SRGAP3: variants seen among roughly 807,000 people sequenced by gnomAD.
The protein encoded by SRGAP3 is SLIT-ROBO Rho GTPase activating protein 3.
SRGAP3 carries 39 observed loss-of-function variants against 121.1 expected under a neutral mutation model. The observed-to-expected ratio is 0.32, with a 90% CI of 0.25 to 0.42. The LOEUF is 0.42. Among genes scored for constraint, SRGAP3 ranks in the 10% least tolerant of loss-of-function variants. The pLI is 1.00. For missense variants in SRGAP3, 1,213 were observed against 1,470.6 expected (o/e 0.82, Z 2.86); for synonymous variants, 601 against 570.0 (o/e 1.05, Z -0.77).
At chr3:9,338,498 T>C (rs1485761774) in intron 1 of SRGAP3, among the ~76,000 whole-genome samples, 1 of 152,208 alleles carries the variant, frequency 6.6e-6, no homozygotes, top group Non-Finnish European at 1.5e-5. Context: ...ATCACCAGCA[T>C]TGGGATGGAA....
intron 1 of SRGAP3, among the ~76,000 whole-genome samples, chr3:9,232,679 T>C (rs1002449379): frequency 6.6e-6 from 1 of 152,200 alleles, no homozygotes; most frequent in African/African-American, 2.4e-5. Context: ...GGGCCAATTA[T>C]GTTAAGTTCA....
chr3:9,294,789 G>A (rs1216595887), intron 3 of SRGAP3, among the ~76,000 whole-genome samples: 1 of 149,284 alleles, frequency 6.7e-6, no homozygotes, highest in Non-Finnish European at 1.5e-5. Context: ...CCCCCCACCT[G>A]TGACACAGAC....
intron 10 of SRGAP3, 128 bp downstream of exon 10, chr3:9,047,263 G>T (rs549406467): frequency 3.2e-6 from 3 of 930,536 alleles, no homozygotes; most frequent in South Asian, 2.8e-5. Flanking sequence ...CCCAGTCCTG[G>T]TAAGTCCAGG....
chr3:8,989,733 T>C (rs1216736887), intron 21 of SRGAP3, among the ~76,000 whole-genome samples: 1 of 152,234 alleles, frequency 6.6e-6, no homozygotes, highest in Non-Finnish European at 1.5e-5. Flanking sequence ...CACAGTTCTA[T>C]TCATTTGGCA....
At chr3:9,252,926 C>G (rs1265809423), upstream of SRGAP3, among the ~76,000 whole-genome samples, 1 of 152,194 alleles carries the variant, frequency 6.6e-6, no homozygotes, top group Non-Finnish European at 1.5e-5. Context: ...CAGAAAAGCC[C>G]CTGGAAGTGT....
At chr3:9,278,011 C>A (rs1340724096) in intron 3 of SRGAP3, among the ~76,000 whole-genome samples, 1 of 152,122 alleles carries the variant, frequency 6.6e-6, no homozygotes, top group Non-Finnish European at 1.5e-5. Flanking sequence ...CATCTATGAA[C>A]CGGAAAGCAG....
chr3:9,038,033 T>C (rs371134097), intron 11 of SRGAP3, 30 bp downstream of exon 11: 2 of 1,614,002 alleles, frequency 1.2e-6, no homozygotes, highest in Non-Finnish European at 1.7e-6. Flanking sequence ...GGGCAGCAGA[T>C]GAAAGAAAAC....
chr3:9,202,421 G>C (rs141968521), intron 1 of SRGAP3, among the ~76,000 whole-genome samples: 1 of 152,160 alleles, frequency 6.6e-6, no homozygotes, highest in Non-Finnish European at 1.5e-5. Flanking sequence ...CTAAGCCTTC[G>C]TCACCCTCTA....
upstream of SRGAP3, among the ~76,000 whole-genome samples, chr3:9,253,345 C>T (rs780042342): frequency 4.6e-5 from 7 of 152,030 alleles, no homozygotes; most frequent in South Asian, 2.1e-4. Flanking sequence ...CGGAGTTCAA[C>T]GTAAAGTTTT....
intron 3 of SRGAP3, among the ~76,000 whole-genome samples, chr3:9,300,177 T>C (rs113481339): frequency 9.1e-5 from 7 of 77,244 alleles, no homozygotes; most frequent in East Asian, 4.2e-4. Context: ...ATCTTCATCA[T>C]CACCACCATC....
chr3:9,009,629 G>C (rs1943258625), intron 18 of SRGAP3, among the ~76,000 whole-genome samples: 1 of 152,102 alleles, frequency 6.6e-6, no homozygotes, highest in African/African-American at 2.4e-5. Flanking sequence ...ATATGGTTCA[G>C]ATTGCTTGTC....
chr3:9,114,574 G>A (rs1034051406), intron 2 of SRGAP3, among the ~76,000 whole-genome samples: 2 of 152,184 alleles, frequency 1.3e-5, no homozygotes, highest in Admixed American at 1.3e-4. Flanking sequence ...TCACACTGCA[G>A]CATGAGGGTA....
At chr3:9,139,220 T>C (rs1225694107) in intron 1 of SRGAP3, among the ~76,000 whole-genome samples, 1 of 152,170 alleles carries the variant, frequency 6.6e-6, no homozygotes, top group Non-Finnish European at 1.5e-5. Flanking sequence ...AAATGAAATG[T>C]TGTATGTGTT....
At chr3:9,071,353 C>G (rs939207642) in intron 4 of SRGAP3, among the ~76,000 whole-genome samples, 2 of 152,136 alleles carry the variant, frequency 1.3e-5, no homozygotes, top group Non-Finnish European at 2.9e-5. Context: ...TGACATCACC[C>G]CACAATCCTG....
chr3:9,149,560 C>T (rs942213885), intron 1 of SRGAP3, among the ~76,000 whole-genome samples: 1 of 152,206 alleles, frequency 6.6e-6, no homozygotes, highest in African/African-American at 2.4e-5. Context: ...CAGCTACAGT[C>T]GGGCTCCAAG....
At chr3:9,050,001 A>T (rs1317187683) in intron 9 of SRGAP3, among the ~76,000 whole-genome samples, 1 of 152,164 alleles carries the variant, frequency 6.6e-6, no homozygotes, top group Non-Finnish European at 1.5e-5. Context: ...CACCATGGCC[A>T]GCTAATTTTT....
intron 1 of SRGAP3, among the ~76,000 whole-genome samples, chr3:9,139,102 A>G (rs940143376): frequency 6.6e-6 from 1 of 152,212 alleles, no homozygotes; most frequent in African/African-American, 2.4e-5. Context: ...CCTTTTGTCC[A>G]TAGTTCTTCA....
chr3:9,108,804 G>A (rs948055787), intron 2 of SRGAP3, among the ~76,000 whole-genome samples: 11 of 152,138 alleles, frequency 7.2e-5, no homozygotes, highest in Non-Finnish European at 5.9e-5. Context: ...GACCAGGCAG[G>A]AGGTAATCTT....
At chr3:9,330,288 C>G (rs1016031312) in intron 2 of SRGAP3, among the ~76,000 whole-genome samples, 7 of 152,192 alleles carry the variant, frequency 4.6e-5, no homozygotes, top group African/African-American at 1.7e-4. Context: ...ATGACCCAGT[C>G]AGATATGAGA....
Sources: allele counts gnomAD v4.1 joint callset (sites outside exome capture counted in the v4.1 genomes callset), GRCh38; gene constraint gnomAD v4.1.1; transcripts MANE v1.5; gene names NCBI Gene and HGNC (gene_info 2026-07-23, HGNC 2026-07-21).